The following TBC1D1 variants were observed in gnomAD, a reference collection of about 807,000 sequenced individuals.
TBC1D1 encodes TBC1 (tre-2/USP6, BUB2, cdc16) domain family, member 1.
A neutral mutation model predicts 125.6 loss-of-function variants in TBC1D1; 89 were observed. That is an observed-to-expected ratio of 0.71 (90% CI 0.60 to 0.85). TBC1D1 has a LOEUF of 0.85. Among genes scored for constraint, TBC1D1 ranks in the 40% least tolerant of loss-of-function variants. The probability of loss-of-function intolerance (pLI) is 0.00; values close to 1 mark genes in which losing one functional copy is unlikely to be tolerated. For missense variants in TBC1D1, 1,377 were observed against 1,469.2 expected (o/e 0.94, Z 1.03); for synonymous variants, 565 against 564.1 (o/e 1.00, Z -0.02).
At chr4:37,964,561 G>C (rs2381133) in intron 2 of TBC1D1, among the ~76,000 whole-genome samples, 77,911 of 152,052 alleles carry the variant, frequency 0.51, 20,652 homozygotes, top group East Asian at 0.79. Context: ...CTGCCTTCCC[G>C]AGATCCGGCA....
intron 2 of TBC1D1, among the ~76,000 whole-genome samples, chr4:37,996,554 A>G (rs1323497177): frequency 6.6e-6 from 1 of 152,258 alleles, no homozygotes; most frequent in Non-Finnish European, 1.5e-5. Flanking sequence ...GCTGATCAGA[A>G]TGAAGATCTG....
At position 38,053,228 on chromosome 4, in the gene TBC1D1, A is replaced by G; in HGVS notation, c.1911-971A>G. On this transcript the variant is annotated intron_variant, in intron 11 of 19. Coordinates refer to ENST00000261439, the MANE Select transcript of TBC1D1 (RefSeq NM_015173.4). ...TCTGATTTTATGAACACAAAAAGGT[A>G]GGGCTTAATTTAGATATATCAAGCC... is the stretch of plus-strand genomic sequence containing the variant. 1 of 1,506,216 alleles carries G rather than the reference A, an allele frequency of 6.6e-7. No individual in the cohort carries two copies. Among genetic ancestry groups the G allele is most frequent in the Non-Finnish European group, 8.9e-7 (1 of 1,129,530 alleles). The allele number at this position is 1,506,216 out of a possible 1,614,324, so 93.3% of individuals were successfully genotyped here. A position where few individuals can be genotyped will look rare whatever the true frequency, so the allele number is the denominator to read the frequency against.
intron 18 of TBC1D1, among the ~76,000 whole-genome samples, chr4:38,127,753 A>C (rs1332526143): frequency 6.6e-6 from 1 of 152,190 alleles, no homozygotes; most frequent in Non-Finnish European, 1.5e-5. Flanking sequence ...CTGAGCAGAG[A>C]GTAACATGCC....
intron 3 of TBC1D1, among the ~76,000 whole-genome samples, chr4:38,015,181 G>A (rs879275128): frequency 3.3e-5 from 5 of 152,160 alleles, no homozygotes; most frequent in African/African-American, 1.2e-4. Flanking sequence ...ATGCCCATGT[G>A]TAATTTTTAT....
chr4:38,129,744 A>AT (rs1765286730), intron 18 of TBC1D1, among the ~76,000 whole-genome samples: 1 of 152,236 alleles, frequency 6.6e-6, no homozygotes, highest in South Asian at 2.1e-4. Context: ...CGAAGAGGAG[A>AT]TATCTAGTAA....
chr4:38,041,334 A>T (rs532221501), intron 8 of TBC1D1, among the ~76,000 whole-genome samples: 1 of 152,366 alleles, frequency 6.6e-6, no homozygotes, highest in South Asian at 2.1e-4. Flanking sequence ...ATACCGTATA[A>T]AGGTGAACTT....
chr4:38,048,001 G>A (rs559584470), intron 10 of TBC1D1, among the ~76,000 whole-genome samples: 1 of 152,256 alleles, frequency 6.6e-6, no homozygotes, highest in African/African-American at 2.4e-5. Context: ...CGATAGTTGT[G>A]AAGATTCTTT....
At chr4:38,060,647 C>T in intron 12 of TBC1D1, 1 of 1,289,114 alleles carries the variant, frequency 7.8e-7, no homozygotes, top group African/African-American at 1.5e-5. Context: ...CCATCGTTGG[C>T]CTGTACTGAA....
At chr4:37,899,983 C>A (rs193155669) in intron 1 of TBC1D1, among the ~76,000 whole-genome samples, 1 of 151,952 alleles carries the variant, frequency 6.6e-6, no homozygotes, top group Non-Finnish European at 1.5e-5. Flanking sequence ...TAGCCGGGCG[C>A]GGTGGCAGGC....
intron 15 of TBC1D1, among the ~76,000 whole-genome samples, chr4:38,104,746 G>GT (rs1439745425): frequency 1.9e-5 from 2 of 105,976 alleles, no homozygotes; most frequent in Non-Finnish European, 1.9e-5. Flanking sequence ...AACCCTTAAG[G>GT]TTATTTTTTT....
At chr4:38,068,473 A>T (rs1028868336) in intron 12 of TBC1D1, among the ~76,000 whole-genome samples, 3 of 151,944 alleles carry the variant, frequency 2.0e-5, no homozygotes, top group African/African-American at 7.3e-5. Context: ...GGCCACTTGG[A>T]TGTCACCATT....
At chr4:37,920,045 G>A (rs1424067510) in intron 2 of TBC1D1, among the ~76,000 whole-genome samples, 2 of 152,158 alleles carry the variant, frequency 1.3e-5, no homozygotes, top group African/African-American at 2.4e-5. Context: ...CCGGTGAGGC[G>A]GAGCTTGCAG....
intron 2 of TBC1D1, among the ~76,000 whole-genome samples, chr4:37,945,178 A>G (rs1560512376): frequency 6.6e-6 from 1 of 152,110 alleles, no homozygotes; most frequent in Non-Finnish European, 1.5e-5. Context: ...CTCTTGGTCC[A>G]AGTATAAGGT....
In TBC1D1 at chr4:37,891,224, G is replaced by A. The variant is rs10029658; in HGVS notation, c.-218G>A. The A allele has an allele frequency of 0.012, 1,769 of 152,740 alleles. 32 individuals carry two copies. Among genetic ancestry groups the A allele is most frequent in the African/African-American group, 0.04 (1,674 of 41,474 alleles). The allele number at this position is 152,740 out of a possible 1,614,324, so 9.5% of individuals were successfully genotyped here. ...AGGGGAGCCCCCTCCCCGTCCCCCC[G>A]CGGCGGGAAGAGCGCAGCCAGCCGG... On this transcript the variant is annotated 5_prime_UTR_variant, in exon 1 of 20. Coordinates refer to ENST00000261439, the MANE Select transcript of TBC1D1 (RefSeq NM_015173.4).
intron 11 of TBC1D1, chr4:38,051,960 C>T (rs1304918593): frequency 7.7e-6 from 12 of 1,550,646 alleles, no homozygotes; most frequent in African/African-American, 1.4e-5. Flanking sequence ...AGCTCCTGCT[C>T]CTCCACCTCG....
Position 38,014,651 on chromosome 4 carries a change from A to T in TBC1D1, c.560A>T (p.Lys187Met). 6.2e-7 allele frequency: 1 copy of T among 1,613,268 alleles called. No homozygotes were observed. The highest frequency in any genetic ancestry group is 8.5e-7 in the Non-Finnish European group (1 of 1,180,024). ...GGCCGCGTGACGGTGGCGCACAAGAAGGCTCCGCCGGCCCTGATCGACGAG... is the reference window on the plus strand; with the variant it reads ...GGCCGCGTGACGGTGGCGCACAAGATGGCTCCGCCGGCCCTGATCGACGAG... The change falls in exon 3 of 20, where the codon AAG (lysine) becomes ATG (methionine). Residue 187 changes from lysine (K) to methionine (M), a missense_variant. Around this residue, in one of 3 missense-constraint regions of TBC1D1, gnomAD observed 822 missense variants for 824.6 expected, o/e 1.00. Coordinates refer to ENST00000261439, the MANE Select transcript of TBC1D1 (RefSeq NM_015173.4). This position sits in a 1 kb window ranked among gnomAD's most constrained non-coding sequence, Gnocchi z 5.1.
chr4:37,905,633 C>T (rs1327282219), intron 2 of TBC1D1, among the ~76,000 whole-genome samples: 2 of 152,234 alleles, frequency 1.3e-5, no homozygotes, highest in Admixed American at 1.3e-4. Context: ...TTTCTCAAAA[C>T]ACTCTCATGA....
chr4:37,926,747 C>T (rs560971483), intron 2 of TBC1D1, among the ~76,000 whole-genome samples: 2 of 152,370 alleles, frequency 1.3e-5, no homozygotes, highest in South Asian at 4.1e-4. Context: ...CTGTGTTACA[C>T]AGGCTAGAAC....
intron 2 of TBC1D1, among the ~76,000 whole-genome samples, chr4:37,959,854 T>A (rs565955578): frequency 6.6e-6 from 1 of 152,262 alleles, no homozygotes; most frequent in African/African-American, 2.4e-5. Flanking sequence ...AGAGAGGGCC[T>A]CTCGGCTCTC....
Sources: allele counts gnomAD v4.1 joint callset (sites outside exome capture counted in the v4.1 genomes callset), GRCh38; gene constraint gnomAD v4.1.1; regional missense constraint gnomAD v4.1.1; non-coding constraint Gnocchi (gnomAD v3.1); transcripts MANE v1.5; gene names NCBI Gene and HGNC (gene_info 2026-07-23, HGNC 2026-07-21).